EPHA6: variants seen among roughly 807,000 people sequenced by gnomAD.
EPHA6 encodes ephrin type-A receptor 6.
Under a neutral mutation model 112.0 loss-of-function variants are expected in EPHA6, and 50 were observed. The ratio of observed to expected loss-of-function variants is 0.45; its 90% CI spans 0.36 to 0.56. The LOEUF (loss-of-function observed/expected upper bound fraction) is 0.56. EPHA6 is among the 20% of genes least tolerant of loss of function. EPHA6 has a pLI of 0.00. For synonymous variants in EPHA6, 529 were observed against 490.7 expected, an observed-to-expected ratio of 1.08 and a Z score of -1.03; for missense variants, 1,280 against 1,417.4, an observed-to-expected ratio of 0.90 and a Z score of 1.56.
At chr3:97,702,873 C>T (rs1296169625) in intron 14 of EPHA6, among the ~76,000 whole-genome samples, 2 of 151,934 alleles carry the variant, frequency 1.3e-5, no homozygotes, top group African/African-American at 4.8e-5. Flanking sequence ...ATAAAGAAAC[C>T]CAACTTGAAC....
intron 16 of EPHA6, among the ~76,000 whole-genome samples, chr3:97,740,953 C>A (rs1232168068): frequency 6.6e-6 from 1 of 151,826 alleles, no homozygotes; most frequent in Non-Finnish European, 1.5e-5. Context: ...AACTGGCTGG[C>A]CAAAACCAGT....
intron 13 of EPHA6, among the ~76,000 whole-genome samples, chr3:97,622,001 G>A (rs1325425305): frequency 6.6e-6 from 1 of 151,842 alleles, no homozygotes; most frequent in African/African-American, 2.4e-5. Flanking sequence ...TAGTATGCTA[G>A]TAGACCAAAA....
chr3:97,174,485 A>G (rs570704308), intron 3 of EPHA6, among the ~76,000 whole-genome samples: 23 of 152,112 alleles, frequency 1.5e-4, no homozygotes, highest in African/African-American at 4.3e-4. Flanking sequence ...ACTGTTCTCC[A>G]TAGTGCTTGC....
chr3:97,011,474 A>G (rs1273883500), intron 3 of EPHA6, among the ~76,000 whole-genome samples: 1 of 152,200 alleles, frequency 6.6e-6, no homozygotes, highest in African/African-American at 2.4e-5. Flanking sequence ...TCAAGAAACA[A>G]ACAAGGGAGG....
intron 14 of EPHA6, among the ~76,000 whole-genome samples, chr3:97,683,858 T>C (rs1450440575): frequency 6.6e-6 from 1 of 152,188 alleles, no homozygotes; most frequent in Non-Finnish European, 1.5e-5. Context: ...AATTGTTCAT[T>C]AAGCTGTCCC....
chr3:97,699,558 G>A (rs544905907), intron 14 of EPHA6, among the ~76,000 whole-genome samples: 1 of 152,254 alleles, frequency 6.6e-6, no homozygotes, highest in Middle Eastern at 3.4e-3. Flanking sequence ...TAAGCAGTGT[G>A]GTTCAAGAAT....
chr3:97,045,533 A>G (rs2108067243), intron 3 of EPHA6, among the ~76,000 whole-genome samples: 1 of 152,076 alleles, frequency 6.6e-6, no homozygotes, highest in East Asian at 1.9e-4. Flanking sequence ...TTTCAATAGA[A>G]AGAAAGGTTG....
At chr3:97,177,499 T>G (rs2076868914) in intron 3 of EPHA6, among the ~76,000 whole-genome samples, 1 of 151,982 alleles carries the variant, frequency 6.6e-6, no homozygotes, top group Non-Finnish European at 1.5e-5. Context: ...TATTATTATA[T>G]TGGGGCCTAT....
At position 97,247,315 on chromosome 3, in the gene EPHA6, C is replaced by T. The variant is rs140143132; in HGVS notation, c.1606+3028C>T. Among the ~76,000 whole-genome samples the T allele has an allele frequency of 7.8e-3, 1,182 of 151,842 alleles. 15 individuals are homozygous for T. Among genetic ancestry groups the T allele is most frequent in the African/African-American group, 0.026 (1,096 of 41,464 alleles). On this transcript the variant is annotated intron_variant, in intron 5 of 17. Transcript: ENST00000389672. The stretch of plus-strand genomic sequence containing the variant: ...TTATTTAACATATTTTTAGTGTATT[C>T]CTTGTGTATGATAGTGAGCCTTTAT...
chr3:96,855,262 G>A (rs547549042), intron 1 of EPHA6, among the ~76,000 whole-genome samples: 1 of 152,234 alleles, frequency 6.6e-6, no homozygotes, highest in East Asian at 1.9e-4. Flanking sequence ...TAGTGGATTA[G>A]CAACGTTAAT....
intron 3 of EPHA6, among the ~76,000 whole-genome samples, chr3:97,170,344 T>A (rs2108424972): frequency 6.6e-6 from 1 of 152,174 alleles, no homozygotes; most frequent in East Asian, 1.9e-4. Context: ...GCTATGAAGC[T>A]GCTTTTAATA....
intron 3 of EPHA6, among the ~76,000 whole-genome samples, chr3:97,177,353 C>G (rs1442709624): frequency 6.6e-6 from 1 of 151,886 alleles, no homozygotes; most frequent in Non-Finnish European, 1.5e-5. Flanking sequence ...TATTCTGAAG[C>G]TCTTGGATGA....
chr3:96,895,297 G>A (rs2038207244), intron 2 of EPHA6, among the ~76,000 whole-genome samples: 1 of 151,730 alleles, frequency 6.6e-6, no homozygotes, highest in Non-Finnish European at 1.5e-5. Context: ...AAATAATAAA[G>A]GTTGTAGAAT....
At chr3:97,509,601 C>G (rs2092327317) in intron 10 of EPHA6, among the ~76,000 whole-genome samples, 2 of 152,144 alleles carry the variant, frequency 1.3e-5, no homozygotes, top group Non-Finnish European at 2.9e-5. Context: ...CGACCTTTCT[C>G]TCTGGCTGCC....
At chr3:97,179,885 C>A (rs978071471) in intron 3 of EPHA6, among the ~76,000 whole-genome samples, 3 of 151,920 alleles carry the variant, frequency 2.0e-5, no homozygotes, top group African/African-American at 7.3e-5. Context: ...GTGCTGTAAC[C>A]ACTCCTTGGC....
At chr3:97,481,675 G>A (rs1031520773) in intron 9 of EPHA6, among the ~76,000 whole-genome samples, 2 of 151,778 alleles carry the variant, frequency 1.3e-5, no homozygotes, top group African/African-American at 2.4e-5. Flanking sequence ...CGGCCGCCCG[G>A]CCCCGCCCCG....
intron 11 of EPHA6, among the ~76,000 whole-genome samples, chr3:97,565,211 TG>T (rs2093246456): frequency 1.3e-5 from 2 of 151,808 alleles, no homozygotes; most frequent in Non-Finnish European, 2.9e-5. Flanking sequence ...ATTAACCAGA[TG>T]TCATGATTTA....
intron 2 of EPHA6, among the ~76,000 whole-genome samples, chr3:96,984,021 G>A (rs2042919354): frequency 6.6e-6 from 1 of 152,142 alleles, no homozygotes; most frequent in African/African-American, 2.4e-5. Flanking sequence ...GCTCGGAGAA[G>A]TTTGATTATC....
chr3:97,418,027 C>G (rs1227133811), intron 6 of EPHA6, among the ~76,000 whole-genome samples: 1 of 151,832 alleles, frequency 6.6e-6, no homozygotes, highest in African/African-American at 2.4e-5. Flanking sequence ...GTTAAAGAAT[C>G]ATACACAAAA....
Sources: gnomAD v4.1 joint callset for allele counts (sites outside exome capture counted in the v4.1 genomes callset) on GRCh38, gnomAD v4.1.1 for gene constraint, MANE v1.5 for transcripts, NCBI Gene and HGNC (gene_info 2026-07-23, HGNC 2026-07-21) for gene names.